Variants in USP34 observed in about 807,000 individuals in gnomAD.
USP34 encodes the protein ubiquitin carboxyl-terminal hydrolase 34.
In USP34, 70 loss-of-function variants were observed where a neutral mutation model predicts 460.3. The ratio of observed to expected loss-of-function variants is 0.15; its 90% confidence interval spans 0.13 to 0.19. USP34 has a LOEUF of 0.19. Ranked by LOEUF, USP34 falls within the 10% of genes least tolerant of loss-of-function variation. The pLI is 1.00. For missense variants in USP34, 3,985 were observed against 4,236.2 expected (o/e 0.94, Z 1.65); for synonymous variants, 1,647 against 1,405.3 (o/e 1.17, Z -3.85).
intron 48 of USP34, among the ~76,000 whole-genome samples, chr2:61,249,254 G>C (rs1403284730): frequency 1.3e-5 from 2 of 152,104 alleles, no homozygotes; most frequent in African/African-American, 4.8e-5. Context: ...TTGCACTTTG[G>C]TGCCATTAAG....
intron 20 of USP34, among the ~76,000 whole-genome samples, chr2:61,326,388 A>G (rs916866520): frequency 4.0e-5 from 6 of 151,890 alleles, no homozygotes; most frequent in Non-Finnish European, 7.4e-5. Context: ...ACACCCGGCT[A>G]ATTTTTGTTA....
chr2:61,307,107 C>T (rs1690433275), intron 27 of USP34, among the ~76,000 whole-genome samples: 2 of 152,040 alleles, frequency 1.3e-5, no homozygotes, highest in Non-Finnish European at 1.5e-5. Context: ...AAATGTGGCA[C>T]ATATACACCA....
intron 2 of USP34, among the ~76,000 whole-genome samples, chr2:61,407,452 T>A (rs1476228614): frequency 6.6e-6 from 1 of 152,212 alleles, no homozygotes; most frequent in African/African-American, 2.4e-5. Flanking sequence ...AGATGACAGC[T>A]AAGCAACTAT....
At chr2:61,331,181 CTTA>C (rs903717022) in intron 20 of USP34, 92 bp downstream of exon 20, 10 of 1,033,140 alleles carry the variant, frequency 9.7e-6, no homozygotes, top group African/African-American at 6.7e-5. Context: ...GTTACAATTA[CTTA>C]TTATATGAAA....
chr2:61,304,218 A>C (rs918989267), intron 27 of USP34, among the ~76,000 whole-genome samples: 1 of 152,154 alleles, frequency 6.6e-6, no homozygotes, highest in African/African-American at 2.4e-5. Flanking sequence ...ATTTTTATTA[A>C]ATGTCTAACT....
intron 18 of USP34, among the ~76,000 whole-genome samples, chr2:61,337,399 C>CT (rs11306660): frequency 0.16 from 24,616 of 149,236 alleles, 2,321 homozygotes; most frequent in South Asian, 0.36. Context: ...ATCCTTTCTA[C>CT]TTTTTTTTTT....
chr2:61,313,314 C>T (rs931065580), intron 25 of USP34, among the ~76,000 whole-genome samples: 3 of 151,534 alleles, frequency 2.0e-5, no homozygotes, highest in Non-Finnish European at 4.4e-5. Flanking sequence ...TTTATAAAAC[C>T]ACCACTGAAT....
intron 37 of USP34, among the ~76,000 whole-genome samples, chr2:61,282,500 AAC>A (rs917761923): frequency 6.6e-6 from 1 of 152,194 alleles, no homozygotes; most frequent in African/African-American, 2.4e-5. Flanking sequence ...TTAAATAGAA[AAC>A]ACAGGCTGGG....
At position 61,214,435 on chromosome 2, in the gene USP34, C is replaced by T. The variant is rs766661066; in HGVS notation, c.8307G>A (p.Lys2769=). Residue 2769 remains lysine, a synonymous_variant, in exon 68 of 80, where the codon AAG becomes AAA. Transcript: ENST00000398571. The stretch of plus-strand genomic sequence containing the variant: ...CCATGAAATATGTGGAAAACATCAG[C>T]TTCTCAGTTTTGGAAATTAAACAGT... ...MTYCLISKTE[K]LMFSTYFMDL... 3.1e-6 allele frequency: 5 copies of T among 1,614,202 alleles called. No individual in the cohort carries two copies. The highest frequency in any genetic ancestry group is 1.6e-4 in the Middle Eastern group (1 of 6,062).
intron 39 of USP34, among the ~76,000 whole-genome samples, chr2:61,279,667 T>C (rs1480951988): frequency 3.3e-5 from 5 of 152,194 alleles, no homozygotes; most frequent in Admixed American, 6.5e-5. Flanking sequence ...GGTTTCACCA[T>C]GTTGGCCAAG....
intron 1 of USP34, among the ~76,000 whole-genome samples, chr2:61,438,724 G>C (rs1694885922): frequency 6.6e-6 from 1 of 152,130 alleles, no homozygotes; most frequent in Non-Finnish European, 1.5e-5. Flanking sequence ...TACTCAACAA[G>C]AGAAAGATAA....
chr2:61,239,310 A>T (rs941963135), intron 53 of USP34, among the ~76,000 whole-genome samples: 1,424 of 105,448 alleles, frequency 0.014, 21 homozygotes, highest in African/African-American at 0.028. Flanking sequence ...TCACACACAC[A>T]CACACACACA....
chr2:61,280,863 G>C (rs1159621109), intron 38 of USP34, among the ~76,000 whole-genome samples: 2 of 152,178 alleles, frequency 1.3e-5, no homozygotes, highest in Non-Finnish European at 2.9e-5. Context: ...CTAAAATAGA[G>C]TATCCATGAG....
chr2:61,243,842 C>T (rs1216857250), intron 51 of USP34, among the ~76,000 whole-genome samples: 2 of 150,222 alleles, frequency 1.3e-5, no homozygotes, highest in African/African-American at 4.9e-5. Flanking sequence ...TGTACCCCAG[C>T]TTGGTGACAG....
intron 12 of USP34, 128 bp from the exon 13 acceptor site, chr2:61,349,413 C>T: frequency 2.3e-6 from 2 of 860,882 alleles, no homozygotes; most frequent in Admixed American, 5.6e-5. Context: ...AAGGTTAAGT[C>T]CCCACCACCT....
chr2:61,349,580 C>T (rs1040447388), intron 12 of USP34, among the ~76,000 whole-genome samples: 1 of 152,104 alleles, frequency 6.6e-6, no homozygotes, highest in Non-Finnish European at 1.5e-5. Context: ...GTGGGTCACG[C>T]CTGTAACCCC....
rs1248937317 is a variant in USP34, at chr2:61,240,579, A to AT, written c.6777+980dup. Among the ~76,000 whole-genome samples, 814 of 131,696 alleles carry AT rather than the reference A, an allele frequency of 6.2e-3. 2 individuals carry two copies. Among genetic ancestry groups the AT allele is most frequent in the East Asian group, 0.028 (124 of 4,380 alleles). 86.4% of individuals were successfully genotyped at this position (131,696 alleles called of 152,430 possible). On this transcript the variant is annotated intron_variant, in intron 53 of 79. Transcript: ENST00000398571. ...AGGCATGAGCCACCGCGCCCAGCCCATTTTTTTTTTTTGAGACAGAGTTTT... is the reference window on the plus strand; with the variant it reads ...AGGCATGAGCCACCGCGCCCAGCCCATTTTTTTTTTTTTGAGACAGAGTTTT...
At position 61,284,885 on chromosome 2, in the gene USP34, GATT is replaced by G. The variant is rs778566874; in HGVS notation, c.4819_4821del (p.Asn1607del). The G allele has an allele frequency of 6.2e-7, 1 of 1,608,944 alleles. No homozygotes were observed. The highest frequency in any genetic ancestry group is 8.5e-7 in the Non-Finnish European group (1 of 1,177,708). ...TCTTAAAATGCATACCTAGGAGCCAGATTATCATACGTATAAGCAACAGACATA... is the reference window on the plus strand; with the variant it reads ...TCTTAAAATGCATACCTAGGAGCCAGATCATACGTATAAGCAACAGACATA... On this transcript the variant is annotated inframe_deletion, in exon 35 of 80. Coordinates refer to ENST00000398571, the MANE Select transcript of USP34 (RefSeq NM_014709.4).
At chr2:61,421,028 G>T (rs576639458) in intron 1 of USP34, among the ~76,000 whole-genome samples, 195 bp from the exon 2 acceptor site, 33 of 144,026 alleles carry the variant, frequency 2.3e-4, no homozygotes, top group African/African-American at 5.6e-4. Context: ...TGTAAGGGGT[G>T]GGGGGGGCAG....
Sources: gnomAD v4.1 joint callset for allele counts (sites outside exome capture counted in the v4.1 genomes callset) on GRCh38, gnomAD v4.1.1 for gene constraint, MANE v1.5 for transcripts, NCBI Gene and HGNC (gene_info 2026-07-23, HGNC 2026-07-21) for gene names.